MAST2: variants seen among roughly 807,000 people sequenced by gnomAD.
MAST2 encodes microtubule-associated serine/threonine-protein kinase 2.
In MAST2, 70 loss-of-function variants were observed where a neutral mutation model predicts 147.4. That is an observed-to-expected ratio of 0.47 (90% CI 0.39 to 0.58). The LOEUF (loss-of-function observed/expected upper bound fraction) is 0.58, where lower values mean the gene tolerates loss of function less well. Among genes scored for constraint, MAST2 ranks in the 20% least tolerant of loss-of-function variants. The pLI is 0.00. For synonymous variants in MAST2, 869 were observed against 896.8 expected, an observed-to-expected ratio of 0.97 and a Z score of 0.55; for missense variants, 2,080 against 2,302.3, an observed-to-expected ratio of 0.90 and a Z score of 1.98.
At chr1:45,843,356 G>A (rs1645335069) in intron 3 of MAST2, among the ~76,000 whole-genome samples, 1 of 152,036 alleles carries the variant, frequency 6.6e-6, no homozygotes, top group Admixed American at 6.6e-5. Flanking sequence ...CAGCTCCAAG[G>A]TCATGATTTA....
intron 4 of MAST2, among the ~76,000 whole-genome samples, chr1:45,943,206 G>A (rs564758289): frequency 6.6e-6 from 1 of 152,322 alleles, no homozygotes; most frequent in Admixed American, 6.5e-5. Context: ...ATTCTTGGAG[G>A]CATGATGATG....
At position 46,031,702 on chromosome 1, in the gene MAST2, G is replaced by A; in HGVS notation, c.3187+117G>A. 3 of 1,049,958 alleles carry A rather than the reference G, an allele frequency of 2.9e-6. No homozygotes were observed. Among genetic ancestry groups the A allele is most frequent in the Non-Finnish European group, 2.7e-6 (2 of 733,944 alleles). 65.0% of individuals were successfully genotyped at this position (1,049,958 alleles called of 1,614,324 possible). A position where few individuals can be genotyped will look rare whatever the true frequency, so the allele number is the denominator to read the frequency against. On this transcript the variant is annotated intron_variant, in intron 24 of 28. Coordinates refer to ENST00000361297, the MANE Select transcript of MAST2 (RefSeq NM_015112.3). The surrounding 1 kb of genome is among the most constrained non-coding windows in gnomAD (Gnocchi z 4.1). ...GTGTGTGTTAAGCACAGATCTGACT[G>A]TGGTCTCTGAAGGTGTGTATTGGTG...
intron 4 of MAST2, among the ~76,000 whole-genome samples, chr1:45,950,165 T>C (rs1658723634): frequency 6.6e-6 from 1 of 152,170 alleles, no homozygotes. Flanking sequence ...AACAAACCCC[T>C]GTGTCAGGAG....
intron 3 of MAST2, among the ~76,000 whole-genome samples, chr1:45,839,369 C>T (rs1397214910): frequency 1.3e-5 from 2 of 152,036 alleles, no homozygotes; most frequent in African/African-American, 4.8e-5. Context: ...ACCTCGTGAT[C>T]TGCCCGCCTC....
chr1:45,845,819 G>A (rs1054902545), intron 3 of MAST2, among the ~76,000 whole-genome samples: 8 of 152,136 alleles, frequency 5.3e-5, no homozygotes, highest in Admixed American at 4.6e-4. Context: ...GGAGTGCAGC[G>A]GTGCGATCTC....
Position 46,035,089 on chromosome 1 carries a change from C to T in MAST2, c.4420C>T (p.Pro1474Ser). 1 of 1,613,610 alleles carries T rather than the reference C, an allele frequency of 6.2e-7. No homozygotes were observed. Among genetic ancestry groups the T allele is most frequent in the Non-Finnish European group, 8.5e-7 (1 of 1,179,932 alleles). ...LPGKGVLQPA[P>S]SRALGTLRQD... Reference sequence around the variant, plus strand: ...AGGGAAGGGGGTGCTGCAGCCTGCTCCCTCACGGGCCCTAGGCACCCTCCG... The same window carrying T: ...AGGGAAGGGGGTGCTGCAGCCTGCTTCCTCACGGGCCCTAGGCACCCTCCG... Residue 1474 changes from proline (P) to serine (S), a missense_variant, in exon 29 of 29, where the codon CCC (proline) becomes TCC (serine). Around this residue, in one of 4 missense-constraint regions of MAST2, gnomAD observed 1,278 missense variants for 1,304.2 expected, o/e 0.98. Transcript: ENST00000361297. This position sits in a 1 kb window ranked among gnomAD's most constrained non-coding sequence, Gnocchi z 5.5.
intron 4 of MAST2, among the ~76,000 whole-genome samples, chr1:45,887,919 A>G (rs1476781450): frequency 6.6e-6 from 1 of 152,240 alleles, no homozygotes; most frequent in Non-Finnish European, 1.5e-5. Context: ...GGCAGGACGT[A>G]GCAGAGGTTG....
intron 2 of MAST2, among the ~76,000 whole-genome samples, chr1:45,826,244 T>C (rs1423610970): frequency 6.6e-6 from 1 of 152,208 alleles, no homozygotes; most frequent in Non-Finnish European, 1.5e-5. Context: ...TGTTTGACTG[T>C]TCTTTCTATG....
intron 15 of MAST2, chr1:46,024,275 G>A: frequency 2.6e-6 from 1 of 379,654 alleles, no homozygotes; most frequent in Non-Finnish European, 5.0e-6. Context: ...CAGCAACAGA[G>A]GAGGCAGCAG....
In MAST2 at chr1:46,023,754, C is replaced by T. The variant is rs766714214; in HGVS notation, c.1572-18C>T. The stretch of plus-strand genomic sequence containing the variant: ...GTGCTGAGGGTCCATGGGGGATGGG[C>T]CGGACTTTGTTTCCCAGGGCTGTAT... On this transcript the variant is annotated intron_variant, in intron 14 of 28. Coordinates refer to ENST00000361297, the MANE Select transcript of MAST2 (RefSeq NM_015112.3). This position sits in a 1 kb window ranked among gnomAD's most constrained non-coding sequence, Gnocchi z 4.9. 1.5e-5 allele frequency: 24 copies of T among 1,610,974 alleles called. No homozygotes were observed. Among genetic ancestry groups the T allele is most frequent in the East Asian group, 1.3e-4 (6 of 44,790 alleles).
rs1436658584 is a variant in MAST2, at chr1:46,035,853, G to A, written c.5184G>A (p.Glu1728=). ...ATCCCAGCCAGGGCTGGCTATGGGA[G>A]TCTGAGTGTGCACAAGCAGTGAAAG... is the stretch of plus-strand genomic sequence containing the variant. The part of the protein sequence containing the change: ...YEDPSQGWLW[E]SECAQAVKED... Residue 1728 remains glutamate (E), a synonymous_variant, in exon 29 of 29, where the codon GAG becomes GAA. Coordinates refer to ENST00000361297, the MANE Select transcript of MAST2 (RefSeq NM_015112.3). The surrounding 1 kb of genome is among the most constrained non-coding windows in gnomAD (Gnocchi z 5.5). The A allele has an allele frequency of 8.1e-6, 13 of 1,614,112 alleles. No individual in the cohort carries two copies. Among genetic ancestry groups the A allele is most frequent in the Non-Finnish European group, 2.5e-6 (3 of 1,180,038 alleles).
At chr1:45,812,092 G>A (rs1644320783) in intron 1 of MAST2, among the ~76,000 whole-genome samples, 1 of 152,124 alleles carries the variant, frequency 6.6e-6, no homozygotes, top group Non-Finnish European at 1.5e-5. Context: ...ATTCTTATTT[G>A]TGTTTTAGTT....
chr1:45,959,894 T>C (rs1261276416), intron 5 of MAST2, among the ~76,000 whole-genome samples: 3 of 152,144 alleles, frequency 2.0e-5, no homozygotes, highest in Admixed American at 6.5e-5. Flanking sequence ...ACCTTCCTGC[T>C]CTTAGATTAG....
chr1:45,875,564 A>G (rs1283967313), intron 3 of MAST2, among the ~76,000 whole-genome samples: 3 of 152,230 alleles, frequency 2.0e-5, no homozygotes, highest in Admixed American at 6.5e-5. Context: ...CAAGGGGGAC[A>G]AAACTGAATG....
chr1:46,003,245 C>T (rs1645347066), intron 7 of MAST2, among the ~76,000 whole-genome samples: 1 of 152,204 alleles, frequency 6.6e-6, no homozygotes, highest in Non-Finnish European at 1.5e-5. Context: ...GAGCAGATCA[C>T]CTTTCTCATA....
chr1:45,844,333 G>C (rs10749858), intron 3 of MAST2, among the ~76,000 whole-genome samples: 43,290 of 151,572 alleles, frequency 0.29, 6,304 homozygotes, highest in South Asian at 0.39. Context: ...CACTCTTGCT[G>C]CCCAGGCTGG....
intron 3 of MAST2, among the ~76,000 whole-genome samples, 167 bp from the exon 4 acceptor site, chr1:45,882,197 A>T (rs897967688): frequency 1.9e-4 from 23 of 120,210 alleles, no homozygotes; most frequent in Middle Eastern, 4.1e-3. Context: ...GTCTCAAAAA[A>T]AAAAAAAAAT....
chr1:45,954,436 G>A (rs1421318393), intron 4 of MAST2, among the ~76,000 whole-genome samples: 4 of 152,142 alleles, frequency 2.6e-5, no homozygotes, highest in Non-Finnish European at 1.5e-5. Context: ...TGACCATGGC[G>A]AGGTATGTAA....
Position 46,002,882 on chromosome 1 carries a change from C to A in MAST2, c.746C>A (p.Ser249Ter), listed in dbSNP as rs1344925190. The A allele has an allele frequency of 2.5e-6, 4 of 1,614,004 alleles. No individual in the cohort carries two copies. Among genetic ancestry groups the A allele is most frequent in the Non-Finnish European group, 3.4e-6 (4 of 1,179,874 alleles). Residue 249 changes from serine (S) to a stop codon, truncating the protein, a stop_gained and splice_region_variant, in exon 7 of 29, where the codon TCA (serine) becomes TAA (stop). Coordinates refer to ENST00000361297, the MANE Select transcript of MAST2 (RefSeq NM_015112.3). LOFTEE classifies it high-confidence loss of function. ...ACTAACACTCCTAGCTCCACTGTCT[C>A]AGTAAGTAGCCAAATCTGTGGCCAT... ...YGTNTPSSTV[S>*]SSCSSQEKLH...
Sources: gnomAD v4.1 joint callset for allele counts (sites outside exome capture counted in the v4.1 genomes callset) on GRCh38, gnomAD v4.1.1 for gene constraint, gnomAD v4.1.1 regional missense constraint, Gnocchi (gnomAD v3.1) non-coding constraint, MANE v1.5 for transcripts, NCBI Gene and HGNC (gene_info 2026-07-23, HGNC 2026-07-21) for gene names.